DPYSL2: variants seen among roughly 807,000 people sequenced by gnomAD.
The protein encoded by DPYSL2 is dihydropyrimidinase-related protein 2.
DPYSL2 carries 13 observed loss-of-function variants against 69.9 expected under a neutral mutation model. That is an observed-to-expected ratio of 0.19 (90% CI 0.12 to 0.30). The LOEUF (loss-of-function observed/expected upper bound fraction) is 0.30, where lower values mean the gene tolerates loss of function less well. Ranked by LOEUF, DPYSL2 falls within the 10% of genes least tolerant of loss-of-function variation. The probability of loss-of-function intolerance (pLI) is 1.00; values close to 1 mark genes in which losing one functional copy is unlikely to be tolerated. For missense variants in DPYSL2, 587 were observed against 918.9 expected (o/e 0.64, Z 4.67); for synonymous variants, 326 against 359.1 (o/e 0.91, Z 1.04).
At chr8:26,607,947 C>T (rs532553372) in intron 3 of DPYSL2, among the ~76,000 whole-genome samples, 20 of 151,750 alleles carry the variant, frequency 1.3e-4, no homozygotes, top group African/African-American at 3.9e-4. Flanking sequence ...CATAGTGGCA[C>T]GCACCTGTAG....
At chr8:26,575,248 CCAAAGTGCGGGAT>C (rs1470709314) in intron 1 of DPYSL2, among the ~76,000 whole-genome samples, 2 of 152,172 alleles carry the variant, frequency 1.3e-5, no homozygotes, top group Non-Finnish European at 2.9e-5. Context: ...CCTTGGCATC[CCAAAGTGCGGGAT>C]TACAGGTGTG....
chr8:26,574,188 C>T (rs1323626502), intron 1 of DPYSL2, among the ~76,000 whole-genome samples: 1 of 152,038 alleles, frequency 6.6e-6, no homozygotes. Flanking sequence ...GGTAACATTT[C>T]AGTTGTTTCA....
At position 26,630,787 on chromosome 8, in the gene DPYSL2, G is replaced by A. The variant is rs543233287; in HGVS notation, c.1005+2847G>A. ...GACTGCCCAGTTATCAAAGCAGAGA[G>A]CTAGAAAGTGCAGGGTCCTGCCTGC... On this transcript the variant is annotated intron_variant, in intron 7 of 13. Coordinates refer to ENST00000521913, the MANE Select transcript of DPYSL2 (RefSeq NM_001197293.3). Among the ~76,000 whole-genome samples, 3 of 152,298 alleles carry A rather than the reference G, an allele frequency of 2.0e-5. No homozygotes were observed. The East Asian group carries it at 5.8e-4, about 29-fold the overall frequency.
In DPYSL2 at chr8:26,627,816, CAG is replaced by C; in HGVS notation, c.937-53_937-52del. ...AACTGCATGCCCGGGCCTCTGCCAT[CAG>C]AGCTGTGCAAAATCCACTCTCCCTC... On this transcript the variant is annotated intron_variant, in intron 6 of 13. Transcript: ENST00000521913. This position sits in a 1 kb window ranked among gnomAD's most constrained non-coding sequence, Gnocchi z 6.9. The C allele has an allele frequency of 6.4e-7, 1 of 1,572,674 alleles. No individual in the cohort carries two copies. Among genetic ancestry groups the C allele is most frequent in the Non-Finnish European group, 8.7e-7 (1 of 1,149,900 alleles).
chr8:26,653,355 C>T lies in DPYSL2; in HGVS notation c.1900C>T (p.Pro634Ser), dbSNP rs1157284553. Residue 634 changes from proline to serine, a missense_variant, in exon 13 of 14, where the codon CCA becomes TCA. Pro to Ser is a moderately conservative substitution (Grantham distance 74). Coordinates refer to ENST00000521913, the MANE Select transcript of DPYSL2 (RefSeq NM_001197293.3). This position sits in a 1 kb window ranked among gnomAD's most constrained non-coding sequence, Gnocchi z 5.7. ...GACGTCTCCTGCCAAGCAGCAGGCC[C>T]CACCTGTCCGGAACCTGCACCAGTC... is the stretch of plus-strand genomic sequence containing the variant. Reference protein sequence around the residue: ...AKTSPAKQQAPPVRNLHQSGF... With the variant: ...AKTSPAKQQASPVRNLHQSGF... 1 of 1,614,132 alleles carries T rather than the reference C, an allele frequency of 6.2e-7. No individual in the cohort carries two copies. Among genetic ancestry groups the T allele is most frequent in the Admixed American group, 1.7e-5 (1 of 60,024 alleles).
Position 26,605,913 on chromosome 8 carries a change from A to C in DPYSL2, c.629-18230A>C, listed in dbSNP as rs573747240. Among the ~76,000 whole-genome samples the C allele has an allele frequency of 1.3e-5, 2 of 152,352 alleles. No homozygotes were observed. The highest frequency in any genetic ancestry group is 4.8e-5 in the African/African-American group (2 of 41,588). On this transcript the variant is annotated intron_variant, in intron 3 of 13. Transcript: ENST00000521913. This position sits in a 1 kb window ranked among gnomAD's most constrained non-coding sequence, Gnocchi z 4.1. ...AATTGAAAACCTCAAAAGGTGGTTG[A>C]GTTTTTGTTTTGTTTTCCATTTGAC...
intron 3 of DPYSL2, among the ~76,000 whole-genome samples, chr8:26,592,469 T>G (rs1325673546): frequency 1.1e-5 from 1 of 88,360 alleles, no homozygotes; most frequent in African/African-American, 3.0e-5. Context: ...TTAGTTTTTT[T>G]TTTTTTGTTT....
intron 1 of DPYSL2, among the ~76,000 whole-genome samples, chr8:26,531,990 AG>A (rs1800516881): frequency 6.6e-6 from 1 of 152,094 alleles, no homozygotes; most frequent in South Asian, 2.1e-4. Flanking sequence ...ATATGGGCAC[AG>A]GGAGGGCACT....
Position 26,614,718 on chromosome 8 carries a change from G to C in DPYSL2, c.629-9425G>C, listed in dbSNP as rs1802308628. 6.6e-6 allele frequency among the ~76,000 whole-genome samples: 1 copy of C among 152,158 alleles called. No individual in the cohort carries two copies. Among genetic ancestry groups the C allele is most frequent in the African/African-American group, 2.4e-5 (1 of 41,430 alleles). ...TGATTTATATGAAGATACTGGTTTAGTTTTAAAAGCAAACTTACATTGAAC... is the reference window on the plus strand; with the variant it reads ...TGATTTATATGAAGATACTGGTTTACTTTTAAAAGCAAACTTACATTGAAC... On this transcript the variant is annotated intron_variant, in intron 3 of 13. Coordinates refer to ENST00000521913, the MANE Select transcript of DPYSL2 (RefSeq NM_001197293.3). This position sits in a 1 kb window ranked among gnomAD's most constrained non-coding sequence, Gnocchi z 4.9.
rs1342903558 is a variant in DPYSL2, at chr8:26,641,003, T to C, written c.1127-2436T>C. 1.3e-5 allele frequency among the ~76,000 whole-genome samples: 2 copies of C among 152,192 alleles called. No homozygotes were observed. Among genetic ancestry groups the C allele is most frequent in the African/African-American group, 4.8e-5 (2 of 41,454 alleles). On this transcript the variant is annotated intron_variant, in intron 8 of 13. Transcript: ENST00000521913. The surrounding 1 kb of genome is among the most constrained non-coding windows in gnomAD (Gnocchi z 4.1). ...GAGAGAAGGGGAATCCAGCTCCTCA[T>C]AGAGCAGCTCCCCACCCCAAGCTGA...
intron 3 of DPYSL2, among the ~76,000 whole-genome samples, chr8:26,602,772 T>G (rs1027983414): frequency 6.6e-6 from 1 of 152,250 alleles, no homozygotes; most frequent in Non-Finnish European, 1.5e-5. Context: ...AAAAAACTTC[T>G]TGTCTATTGG....
rs774553799 is a variant in DPYSL2 at position 26,627,186 on chromosome 8, C to T, written c.856-29C>T. 8.1e-6 allele frequency: 13 copies of T among 1,607,224 alleles called. No individual in the cohort carries two copies. Among genetic ancestry groups the T allele is most frequent in the Non-Finnish European group, 1.1e-5 (13 of 1,173,930 alleles). On this transcript the variant is annotated intron_variant, in intron 5 of 13. Transcript: ENST00000521913. The surrounding 1 kb of genome is among the most constrained non-coding windows in gnomAD (Gnocchi z 6.9). The stretch of plus-strand genomic sequence containing the variant: ...TGAACAGGAAGATGGAAGTCCCTGT[C>T]TCTGATCCCACCCTTGTCTCTCTCT...
At chr8:26,542,615 T>TG (rs1800703776) in intron 1 of DPYSL2, among the ~76,000 whole-genome samples, 1 of 152,118 alleles carries the variant, frequency 6.6e-6, no homozygotes. Flanking sequence ...TTTGTAGAGA[T>TG]GGGGTCTCAC....
At chr8:26,519,893 A>C (rs11995523) in intron 1 of DPYSL2, among the ~76,000 whole-genome samples, 1 of 152,000 alleles carries the variant, frequency 6.6e-6, no homozygotes, top group Non-Finnish European at 1.5e-5. Flanking sequence ...TATTAAGTAG[A>C]TGTTACTCTT....
chr8:26,561,911 A>G (rs2129663822), intron 1 of DPYSL2, among the ~76,000 whole-genome samples: 1 of 152,260 alleles, frequency 6.6e-6, no homozygotes, highest in Non-Finnish European at 1.5e-5. Context: ...TAGGCCATGG[A>G]CGGGTACTGG....
In DPYSL2 at chr8:26,620,222, A is replaced by T. The variant is rs1802450027; in HGVS notation, c.629-3921A>T. ...GAATGAGTGCCTTGGCCTAAGGAGA[A>T]GGGAAGAAAATCTTGTGGAGGAAAT... On this transcript the variant is annotated intron_variant, in intron 3 of 13. Transcript: ENST00000521913. The surrounding 1 kb of genome is among the most constrained non-coding windows in gnomAD (Gnocchi z 4.5). Among the ~76,000 whole-genome samples, 1 of 152,130 alleles carries T rather than the reference A, an allele frequency of 6.6e-6. No individual in the cohort carries two copies. Among genetic ancestry groups the T allele is most frequent in the Non-Finnish European group, 1.5e-5 (1 of 68,020 alleles).
chr8:26,573,605 T>A (rs12545191), intron 1 of DPYSL2, among the ~76,000 whole-genome samples: 1 of 146,806 alleles, frequency 6.8e-6, no homozygotes, highest in East Asian at 2.0e-4. Context: ...AAGGCGGAGC[T>A]TGCAGTGAGC....
intron 3 of DPYSL2, among the ~76,000 whole-genome samples, chr8:26,622,786 C>T (rs904850720): frequency 2.6e-5 from 4 of 152,162 alleles, no homozygotes; most frequent in African/African-American, 7.2e-5. Context: ...ATATTTCTGA[C>T]ATATACAAAT....
chr8:26,603,252 A>G (rs149687994), intron 3 of DPYSL2, among the ~76,000 whole-genome samples: 2,331 of 152,034 alleles, frequency 0.015, 28 homozygotes, highest in Middle Eastern at 0.068. Flanking sequence ...GGCTCACTAC[A>G]ACCTCCACCT....
Sources: gnomAD v4.1 joint callset for allele counts (sites outside exome capture counted in the v4.1 genomes callset) on GRCh38, gnomAD v4.1.1 for gene constraint, Gnocchi (gnomAD v3.1) non-coding constraint, MANE v1.5 for transcripts, NCBI Gene and HGNC (gene_info 2026-07-23, HGNC 2026-07-21) for gene names.